IQGAP1: variants seen among roughly 807,000 people sequenced by gnomAD.
IQGAP1 encodes the protein IQ motif containing GTPase activating protein 1.
A neutral mutation model predicts 215.6 loss-of-function variants in IQGAP1; 66 were observed. That is an observed-to-expected ratio of 0.31 (90% CI 0.25 to 0.38). The LOEUF is 0.38. Among genes scored for constraint, IQGAP1 ranks in the 10% least tolerant of loss-of-function variants. The pLI, the probability that IQGAP1 is intolerant of heterozygous loss-of-function variation, is 1.00. For missense variants in IQGAP1, 1,712 were observed against 1,997.1 expected (o/e 0.86, Z 2.72); for synonymous variants, 772 against 728.7 (o/e 1.06, Z -0.96).
Position 90,484,464 on chromosome 15 carries a change from A to G in IQGAP1, c.3921+112A>G, listed in dbSNP as rs143345603. On this transcript the variant is annotated intron_variant, in intron 30 of 37. Coordinates refer to ENST00000268182, the MANE Select transcript of IQGAP1 (RefSeq NM_003870.4). Reference sequence around the variant, plus strand: ...TAACCTTCCTGTAATCTAACTGACAATGCATCTCCTTGATGTCTCTTTTTT... The same window carrying G: ...TAACCTTCCTGTAATCTAACTGACAGTGCATCTCCTTGATGTCTCTTTTTT... 617 of 737,000 alleles carry G rather than the reference A, an allele frequency of 8.4e-4. 5 individuals carry two copies. The African/African-American group carries it at 9.6e-3, about 11-fold the overall frequency. 45.7% of individuals were successfully genotyped at this position (737,000 alleles called of 1,614,324 possible).
At position 90,445,692 on chromosome 15, in the gene IQGAP1, C is replaced by T. The variant is rs117923993; in HGVS notation, c.913+2214C>T. ...GCTTAATCTTGTTTTGCTCAAGATA[C>T]TCATAACAATAATAATAGTAATTGT... On this transcript the variant is annotated intron_variant, in intron 9 of 37. Coordinates refer to ENST00000268182, the MANE Select transcript of IQGAP1 (RefSeq NM_003870.4). Among the ~76,000 whole-genome samples the T allele has an allele frequency of 2.1e-4, 32 of 152,276 alleles. No homozygotes were observed. The East Asian group carries it at 5.0e-3, about 24-fold the overall frequency.
chr15:90,468,311 C>T (rs1420552720), intron 18 of IQGAP1, among the ~76,000 whole-genome samples: 4 of 152,128 alleles, frequency 2.6e-5, no homozygotes, highest in Non-Finnish European at 5.9e-5. Flanking sequence ...GTGGTCCACC[C>T]GCCTCAGCCT....
chr15:90,392,893 C>T (rs927366507), intron 2 of IQGAP1, among the ~76,000 whole-genome samples: 4 of 151,670 alleles, frequency 2.6e-5, no homozygotes, highest in African/African-American at 4.8e-5. Flanking sequence ...TACAGGCATC[C>T]GCCACTACGC....
chr15:90,468,566 C>T (rs1433362472), intron 18 of IQGAP1, among the ~76,000 whole-genome samples: 1 of 152,160 alleles, frequency 6.6e-6, no homozygotes, highest in African/African-American at 2.4e-5. Flanking sequence ...CATGGTGGCT[C>T]ACACCTGTAA....
At chr15:90,490,576 G>A (rs1966189595) in intron 33 of IQGAP1, among the ~76,000 whole-genome samples, 1 of 152,162 alleles carries the variant, frequency 6.6e-6, no homozygotes, top group Non-Finnish European at 1.5e-5. Context: ...TCCACCTTGT[G>A]ACAAAGTGAC....
chr15:90,475,500 C>T (rs899974564), intron 23 of IQGAP1, among the ~76,000 whole-genome samples: 1 of 151,852 alleles, frequency 6.6e-6, no homozygotes, highest in Non-Finnish European at 1.5e-5. Flanking sequence ...CCTATAATCC[C>T]AGCACTTTGG....
intron 33 of IQGAP1, among the ~76,000 whole-genome samples, chr15:90,488,580 A>T (rs1265103220): frequency 6.6e-6 from 1 of 152,190 alleles, no homozygotes; most frequent in South Asian, 2.1e-4. Context: ...GGGAAATGTG[A>T]CATATATACC....
intron 28 of IQGAP1, chr15:90,482,593 G>A: frequency 2.3e-6 from 1 of 430,720 alleles, no homozygotes; most frequent in Non-Finnish European, 3.8e-6. Flanking sequence ...ATAGTAGCAG[G>A]CACAGTTGTT....
At chr15:90,391,206 C>T (rs1596243408) in intron 2 of IQGAP1, 1 of 179,898 alleles carries the variant, frequency 5.6e-6, no homozygotes, top group East Asian at 1.5e-4. Context: ...CCACTGTGCT[C>T]TAGCCTGGGT....
intron 9 of IQGAP1, among the ~76,000 whole-genome samples, chr15:90,444,740 G>C (rs1050931781): frequency 2.0e-5 from 3 of 152,208 alleles, no homozygotes; most frequent in Non-Finnish European, 4.4e-5. Flanking sequence ...ACAAAATGCA[G>C]ATCCCTAGCC....
chr15:90,442,672 G>A (rs1965468307), intron 8 of IQGAP1, among the ~76,000 whole-genome samples: 2 of 152,016 alleles, frequency 1.3e-5, no homozygotes, highest in Admixed American at 6.6e-5. Flanking sequence ...ATCTGTATGT[G>A]CCCATTCTGC....
chr15:90,413,012 C>T (rs1014474075), intron 2 of IQGAP1, among the ~76,000 whole-genome samples: 4 of 152,172 alleles, frequency 2.6e-5, no homozygotes, highest in African/African-American at 9.7e-5. Context: ...TCTGCATATG[C>T]TCTTAGTCTG....
At chr15:90,488,230 T>TA (rs148489814) in intron 33 of IQGAP1, among the ~76,000 whole-genome samples, 22 of 147,620 alleles carry the variant, frequency 1.5e-4, no homozygotes, top group African/African-American at 2.3e-4. Context: ...CAAAAAATAA[T>TA]AATAAATAAA....
rs1362331829 is a variant in IQGAP1 at position 90,403,676 on chromosome 15, TTTG to T, written c.155+12812_155+12814del. On this transcript the variant is annotated intron_variant, in intron 2 of 37. Coordinates refer to ENST00000268182, the MANE Select transcript of IQGAP1 (RefSeq NM_003870.4). ...CACTGTACATTTTGCTTTACATCTT[TTTG>T]TTGTTGTTTTTTGAGATGGAGTCTT... Among the ~76,000 whole-genome samples, 9 of 152,200 alleles carry T rather than the reference TTTG, an allele frequency of 5.9e-5. No homozygotes were observed. The East Asian group carries it at 1.5e-3, about 26-fold the overall frequency.
chr15:90,446,882 T>G (rs1965534337), intron 9 of IQGAP1, among the ~76,000 whole-genome samples: 1 of 152,238 alleles, frequency 6.6e-6, no homozygotes, highest in South Asian at 2.1e-4. Flanking sequence ...CCACACTTTA[T>G]TATGTTTGCA....
chr15:90,481,832 C>A (rs1438866429), intron 26 of IQGAP1, 128 bp from the exon 27 acceptor site: 4 of 928,204 alleles, frequency 4.3e-6, no homozygotes, highest in Non-Finnish European at 6.4e-6. Context: ...CACTTACCAG[C>A]CCCGTGAGGA....
At chr15:90,403,601 T>A (rs1048772783) in intron 2 of IQGAP1, among the ~76,000 whole-genome samples, 2 of 152,242 alleles carry the variant, frequency 1.3e-5, no homozygotes, top group Non-Finnish European at 2.9e-5. Context: ...TCCGGAGATA[T>A]TCTGTGCATG....
chr15:90,480,412 T>TA (rs1966041617), intron 26 of IQGAP1, among the ~76,000 whole-genome samples: 1 of 152,196 alleles, frequency 6.6e-6, no homozygotes, highest in Middle Eastern at 3.2e-3. Flanking sequence ...TGTTCTTTCC[T>TA]AAAATCTCAA....
intron 2 of IQGAP1, among the ~76,000 whole-genome samples, chr15:90,414,890 G>A (rs1965022731): frequency 6.6e-6 from 1 of 152,084 alleles, no homozygotes; most frequent in African/African-American, 2.4e-5. Flanking sequence ...TTTTGTGGGT[G>A]TCCCCATTCT....
Sources: allele counts gnomAD v4.1 joint callset (sites outside exome capture counted in the v4.1 genomes callset), GRCh38; gene constraint gnomAD v4.1.1; transcripts MANE v1.5; gene names NCBI Gene and HGNC (gene_info 2026-07-23, HGNC 2026-07-21).